Variants in ERG28 observed in about 807,000 individuals in gnomAD.
ERG28 encodes ergosterol biosynthetic protein 28 homolog.
ERG28 carries 9 observed loss-of-function variants against 15.7 expected under a neutral mutation model. The observed-to-expected ratio is 0.57, with a 90% CI of 0.35 to 1.00. The LOEUF is 1.00. ERG28 is among the 50% of genes least tolerant of loss of function. The probability of loss-of-function intolerance (pLI) is 0.02; values close to 1 mark genes in which losing one functional copy is unlikely to be tolerated. For synonymous variants in ERG28, 61 were observed against 68.4 expected (o/e 0.89, Z 0.53); for missense variants, 117 against 173.3 (o/e 0.68, Z 1.82).
Position 75,651,653 on chromosome 14 carries a change from A to G in ERG28, c.344-19T>C. On this transcript the variant is annotated intron_variant, in intron 4 of 4. Coordinates refer to ENST00000256319, the MANE Select transcript of ERG28 (RefSeq NM_007176.4). ...GAGAAACCTTAAATACAGAGGAAAG[A>G]CTAGTGACTAACATACATACGGTAC... 6.2e-7 allele frequency: 1 copy of G among 1,608,026 alleles called. No individual in the cohort carries two copies. The highest frequency in any genetic ancestry group is 8.5e-7 in the Non-Finnish European group (1 of 1,174,462).
chr14:75,655,742 C>G (rs1241478342), intron 2 of ERG28, among the ~76,000 whole-genome samples: 1 of 152,166 alleles, frequency 6.6e-6, no homozygotes, highest in Non-Finnish European at 1.5e-5. Context: ...ATCGTATTCT[C>G]TGGAGGAGGG....
chr14:75,659,389 G>C (rs967470065), intron 1 of ERG28, among the ~76,000 whole-genome samples: 1 of 151,916 alleles, frequency 6.6e-6, no homozygotes, highest in African/African-American at 2.4e-5. Context: ...ACAGGGTCTT[G>C]CTCTGTCACA....
At chr14:75,658,914 T>G (rs1890633187) in intron 1 of ERG28, among the ~76,000 whole-genome samples, 1 of 152,198 alleles carries the variant, frequency 6.6e-6, no homozygotes, top group African/African-American at 2.4e-5. Flanking sequence ...ATTTATAAAT[T>G]GTGTGTGTTT....
chr14:75,653,905 T>C (rs1006858709), intron 3 of ERG28, among the ~76,000 whole-genome samples: 14 of 151,168 alleles, frequency 9.3e-5, no homozygotes, highest in Non-Finnish European at 1.5e-4. Context: ...AAAGTATGTG[T>C]CATTCTAGGA....
rs1890613878 is a variant in ERG28, at chr14:75,657,487, T to A, written c.16A>T (p.Asn6Tyr). 1 of 1,614,032 alleles carries A rather than the reference T, an allele frequency of 6.2e-7. No homozygotes were observed. The highest frequency in any genetic ancestry group is 8.5e-7 in the Non-Finnish European group (1 of 1,179,920). Residue 6 changes from asparagine to tyrosine, a missense_variant, in exon 2 of 5, where the codon AAT (asparagine) becomes TAT (tyrosine). By Grantham distance (143) the Asn-to-Tyr change is moderately radical (BLOSUM62 -2). Transcript: ENST00000256319. MSRFL[N>Y]VLRSWLVMVS... ...ATAACCAGCCAACTTCTTAACACAT[T>A]CAGGAAACGGCTCATGACTCCCCTC...
intron 1 of ERG28, among the ~76,000 whole-genome samples, chr14:75,658,212 A>C (rs540860285): frequency 2.6e-5 from 4 of 152,322 alleles, no homozygotes; most frequent in East Asian, 3.9e-4. Flanking sequence ...TTAAAGTTAA[A>C]ATAGAGATCA....
At chr14:75,659,602 T>G (rs1890650953) in intron 1 of ERG28, among the ~76,000 whole-genome samples, 1 of 151,256 alleles carries the variant, frequency 6.6e-6, no homozygotes, top group South Asian at 2.1e-4. Flanking sequence ...CAACTCTTGT[T>G]GAGTAGTAAT....
rs375771302 is a variant in ERG28 at position 75,657,268 on chromosome 14, C to A, written c.133+102G>T. Reference sequence around the variant, plus strand: ...GGAAATGGGTACCTGTGTTTGTTGACGTTTCCTAGGTTACTCTGATGTACA... The same window carrying A: ...GGAAATGGGTACCTGTGTTTGTTGAAGTTTCCTAGGTTACTCTGATGTACA... On this transcript the variant is annotated intron_variant, in intron 2 of 4. Transcript: ENST00000256319. 10 of 1,397,854 alleles carry A rather than the reference C, an allele frequency of 7.2e-6. No homozygotes were observed. The African/African-American group carries it at 1.0e-4, about 14-fold the overall frequency. The allele number at this position is 1,397,854 out of a possible 1,614,324, so 86.6% of individuals were successfully genotyped here.
In ERG28 at chr14:75,651,587, C is replaced by T. The variant is rs567266543; in HGVS notation, c.391G>A (p.Glu131Lys). The T allele has an allele frequency of 1.2e-4, 199 of 1,613,528 alleles. 5 individuals are homozygous for T. The South Asian group carries it at 2.1e-3, about 17-fold the overall frequency. ...CTCTTCTTCTGTCTGGATACTGGTT[C>T]TACTTCTAGATACCGGAGCCCGACC... is the stretch of plus-strand genomic sequence containing the variant. ...MLVGLRYLEV[E>K]PVSRQKKRN is the part of the protein sequence containing the mutation. The change falls in exon 5 of 5, where the codon GAA (glutamate) becomes AAA (lysine). Residue 131 changes from glutamate (E) to lysine (K), a missense_variant. Coordinates refer to ENST00000256319, the MANE Select transcript of ERG28 (RefSeq NM_007176.4).
intron 2 of ERG28, among the ~76,000 whole-genome samples, chr14:75,657,143 C>T (rs535264611): frequency 6.6e-6 from 1 of 152,026 alleles, no homozygotes; most frequent in Non-Finnish European, 1.5e-5. Context: ...ACTCCAGTAG[C>T]TGCCAAAGGC....
At chr14:75,654,450 T>C (rs533538308) in intron 3 of ERG28, among the ~76,000 whole-genome samples, 3 of 152,346 alleles carry the variant, frequency 2.0e-5, no homozygotes, top group South Asian at 4.1e-4. Flanking sequence ...TGATGCTGCA[T>C]ACACATACAA....
At chr14:75,655,030 C>A (rs987002528) in intron 2 of ERG28, 54 bp from the exon 3 acceptor site, 17 of 1,511,776 alleles carry the variant, frequency 1.1e-5, no homozygotes, top group Non-Finnish European at 1.6e-5. Flanking sequence ...GAGGTTCCTT[C>A]CAAACTCCTC....
At position 75,657,420 on chromosome 14, in the gene ERG28, C is replaced by T. The variant is rs767680537; in HGVS notation, c.83G>A (p.Arg28Gln). The T allele has an allele frequency of 2.5e-5, 40 of 1,613,008 alleles. 1 individual carries two copies. Among genetic ancestry groups the T allele is most frequent in the South Asian group, 9.9e-5 (9 of 91,020 alleles). ...CTTTTCATAGAGAAAAGTGTGGTCTCGGAAGCTCTGCAGCGTGTTCCCCAT... is the reference window on the plus strand; with the variant it reads ...CTTTTCATAGAGAAAAGTGTGGTCTTGGAAGCTCTGCAGCGTGTTCCCCAT... ...IAMGNTLQSF[R>Q]DHTFLYEKLY... The change falls in exon 2 of 5, where the codon CGA becomes CAA. Residue 28 changes from arginine (R) to glutamine (Q), a missense_variant. By Grantham distance (43) the Arg-to-Gln change is conservative. Transcript: ENST00000256319.
intron 3 of ERG28, among the ~76,000 whole-genome samples, chr14:75,652,657 A>G (rs1890542315): frequency 1.3e-5 from 2 of 152,134 alleles, no homozygotes; most frequent in African/African-American, 4.8e-5. Context: ...AGATCTTAAC[A>G]TCTTGACATT....
Position 75,659,887 on chromosome 14 carries a change from C to T in ERG28, c.-32+888G>A, listed in dbSNP as rs192224593. 2.5e-3 allele frequency among the ~76,000 whole-genome samples: 376 copies of T among 151,126 alleles called. 4 individuals are homozygous for T. Among genetic ancestry groups the T allele is most frequent in the African/African-American group, 8.7e-3 (360 of 41,292 alleles). On this transcript the variant is annotated intron_variant, in intron 1 of 4. Transcript: ENST00000256319. Reference sequence around the variant, plus strand: ...CCGCCGCCCCCCCCCGCCAACTCCCCGCCCCAAACAAGCAATAAAGAGATC... The same window carrying T: ...CCGCCGCCCCCCCCCGCCAACTCCCTGCCCCAAACAAGCAATAAAGAGATC...
intron 3 of ERG28, among the ~76,000 whole-genome samples, chr14:75,652,817 C>CTTTTTTTTTTTTTTTTT (rs59570063): frequency 2.1e-5 from 2 of 96,210 alleles, no homozygotes; most frequent in Non-Finnish European, 3.7e-5. Flanking sequence ...ATTTTTACAC[C>CTTTTTTTTTTTTTTTTT]TTTTTTTTTT....
intron 3 of ERG28, among the ~76,000 whole-genome samples, chr14:75,653,928 A>C (rs762677892): frequency 2.4e-4 from 32 of 136,154 alleles, no homozygotes; most frequent in Admixed American, 3.2e-4. Flanking sequence ...AGTAAACTGC[A>C]GGTTCAAGTT....
chr14:75,651,496 G>C lies in ERG28; in HGVS notation c.*59C>G. 4 of 1,487,440 alleles carry C rather than the reference G, an allele frequency of 2.7e-6. No homozygotes were observed. Among genetic ancestry groups the C allele is most frequent in the Non-Finnish European group, 3.7e-6 (4 of 1,073,514 alleles). The allele number at this position is 1,487,440 out of a possible 1,614,324, so 92.1% of individuals were successfully genotyped here. ...AAAGAAATTAAAGAGGAGAGACGAC[G>C]AAGGAAGAAGATGGCCAAGGTGGAA... On this transcript the variant is annotated 3_prime_UTR_variant, in exon 5 of 5. Coordinates refer to ENST00000256319, the MANE Select transcript of ERG28 (RefSeq NM_007176.4).
chr14:75,655,435 T>G (rs1890585034), intron 2 of ERG28, among the ~76,000 whole-genome samples: 2 of 152,138 alleles, frequency 1.3e-5, no homozygotes, highest in African/African-American at 4.8e-5. Flanking sequence ...CCATATATGG[T>G]CTTTAAGATA....
Sources: allele counts gnomAD v4.1 joint callset (sites outside exome capture counted in the v4.1 genomes callset), GRCh38; gene constraint gnomAD v4.1.1; transcripts MANE v1.5; gene names NCBI Gene and HGNC (gene_info 2026-07-23, HGNC 2026-07-21).